Variants in KSR2 observed in about 807,000 individuals in gnomAD.
KSR2 encodes the protein kinase suppressor of ras 2.
In KSR2, 25 loss-of-function variants were observed where a neutral mutation model predicts 107.8. The ratio of observed to expected loss-of-function variants is 0.23; its 90% CI spans 0.17 to 0.32. KSR2 has a LOEUF of 0.32. Ranked by LOEUF, KSR2 falls within the 10% of genes least tolerant of loss-of-function variation. The probability of loss-of-function intolerance (pLI) is 1.00; values close to 1 mark genes in which losing one functional copy is unlikely to be tolerated. For synonymous variants in KSR2, 480 were observed against 507.0 expected (o/e 0.95, Z 0.71); for missense variants, 887 against 1,268.9 (o/e 0.70, Z 4.57).
At chr12:117,472,112 T>C (rs1239258458) in intron 17 of KSR2, among the ~76,000 whole-genome samples, 1 of 152,156 alleles carries the variant, frequency 6.6e-6, no homozygotes, top group Non-Finnish European at 1.5e-5. Flanking sequence ...CCTGGGTACG[T>C]CACTTCACTT....
At chr12:117,515,969 A>G (rs922312118) in intron 14 of KSR2, among the ~76,000 whole-genome samples, 19 of 152,204 alleles carry the variant, frequency 1.2e-4, no homozygotes, top group Admixed American at 6.5e-5. Flanking sequence ...GGAGACAGAG[A>G]TGGGAGAAGC....
At position 117,526,221 on chromosome 12, in the gene KSR2, C is replaced by G. The variant is rs375110865; in HGVS notation, c.1851+850G>C. On this transcript the variant is annotated intron_variant, in intron 13 of 19. Transcript: ENST00000339824. Reference sequence around the variant, plus strand: ...CACACACGACTCAGGCGTACTTCGGCGTAACTACCACTAGAGTTAAATGCT... The same window carrying G: ...CACACACGACTCAGGCGTACTTCGGGGTAACTACCACTAGAGTTAAATGCT... Among the ~76,000 whole-genome samples, 10 of 152,334 alleles carry G rather than the reference C, an allele frequency of 6.6e-5. 1 individual carries two copies. In the South Asian group the frequency reaches 8.3e-4, roughly 13 times the overall value.
At chr12:117,723,645 G>A (rs1325187203) in intron 4 of KSR2, among the ~76,000 whole-genome samples, 2 of 151,762 alleles carry the variant, frequency 1.3e-5, no homozygotes, top group Admixed American at 1.3e-4. Flanking sequence ...GTAAAAATTG[G>A]TGAAATCCAA....
At chr12:117,964,027 CTG>C (rs1896728720) in intron 1 of KSR2, among the ~76,000 whole-genome samples, 1 of 152,212 alleles carries the variant, frequency 6.6e-6, no homozygotes, top group Non-Finnish European at 1.5e-5. Flanking sequence ...TGGCTCACGC[CTG>C]CACTTTGGGA....
chr12:117,621,330 C>A (rs1882185806), intron 5 of KSR2, among the ~76,000 whole-genome samples: 1 of 152,122 alleles, frequency 6.6e-6, no homozygotes, highest in Non-Finnish European at 1.5e-5. Flanking sequence ...AATTATCCAG[C>A]CTCTGGCAGT....
rs111936904 is a variant in KSR2 at position 117,700,047 on chromosome 12, A to AT, written c.987-32390_987-32389insA. On this transcript the variant is annotated intron_variant, in intron 4 of 19. Coordinates refer to ENST00000339824, the MANE Select transcript of KSR2 (RefSeq NM_173598.6). ...ACCACCACTCCTCACTAATTTTGGT[A>AT]CTTTTTTTTTTTTTAGTAGAGACCG... 2.3e-3 allele frequency among the ~76,000 whole-genome samples: 342 copies of AT among 148,182 alleles called. 4 individuals are homozygous for AT. Among genetic ancestry groups the AT allele is most frequent in the Admixed American group, 2.8e-3 (42 of 14,954 alleles).
At position 117,930,571 on chromosome 12, in the gene KSR2, C is replaced by T. The variant is rs532517339; in HGVS notation, c.180+37505G>A. Among the ~76,000 whole-genome samples the T allele has an allele frequency of 3.3e-4, 50 of 152,232 alleles. No individual in the cohort carries two copies. In the South Asian group the frequency reaches 0.01, roughly 31 times the overall value. Reference sequence around the variant, plus strand: ...CACATACATAAAGCTCCACTGAGTGCCCAGCATATAGTAAACACTAAATTC... The same window carrying T: ...CACATACATAAAGCTCCACTGAGTGTCCAGCATATAGTAAACACTAAATTC... On this transcript the variant is annotated intron_variant, in intron 1 of 19. Coordinates refer to ENST00000339824, the MANE Select transcript of KSR2 (RefSeq NM_173598.6).
At chr12:117,500,427 T>C (rs77391078) in intron 14 of KSR2, among the ~76,000 whole-genome samples, 5,657 of 152,292 alleles carry the variant, frequency 0.037, 138 homozygotes, top group Middle Eastern at 0.071. Context: ...ATCATATCCA[T>C]AGATTGTAAT....
intron 9 of KSR2, among the ~76,000 whole-genome samples, chr12:117,548,272 T>G (rs1592980624): frequency 6.6e-6 from 1 of 152,278 alleles, no homozygotes; most frequent in South Asian, 2.1e-4. Flanking sequence ...AATGGTCCAC[T>G]TATATGTGAA....
At chr12:117,770,243 A>C (rs1209836110) in intron 3 of KSR2, among the ~76,000 whole-genome samples, 4 of 152,184 alleles carry the variant, frequency 2.6e-5, no homozygotes. Flanking sequence ...ATCAGGATGC[A>C]TCCTAAGTCC....
chr12:117,769,060 G>T (rs1477209472), intron 3 of KSR2, among the ~76,000 whole-genome samples: 1 of 152,164 alleles, frequency 6.6e-6, no homozygotes, highest in East Asian at 1.9e-4. Flanking sequence ...GGGTCAGACA[G>T]GCTGAGTCTG....
intron 10 of KSR2, 171 bp downstream of exon 10, chr12:117,539,548 T>C: frequency 1.8e-6 from 1 of 563,316 alleles, no homozygotes. Context: ...GGTAATTGCT[T>C]AGGGTACGAT....
intron 1 of KSR2, among the ~76,000 whole-genome samples, chr12:117,952,611 G>T (rs751860895): frequency 6.6e-6 from 1 of 152,104 alleles, no homozygotes; most frequent in African/African-American, 2.4e-5. Flanking sequence ...GGGAGGCGGA[G>T]GCTACAGTGA....
intron 1 of KSR2, among the ~76,000 whole-genome samples, chr12:117,939,434 C>T (rs539380977): frequency 1.3e-5 from 2 of 152,068 alleles, no homozygotes. Flanking sequence ...GTGGCTGGGT[C>T]GGGTGCGGTG....
intron 3 of KSR2, among the ~76,000 whole-genome samples, chr12:117,783,457 A>G (rs773889396): frequency 3.3e-5 from 5 of 152,192 alleles, no homozygotes; most frequent in Non-Finnish European, 5.9e-5. Context: ...CACCCACCTC[A>G]TAGGATTGTT....
intron 10 of KSR2, 146 bp downstream of exon 10, chr12:117,539,573 A>C (rs939651016): frequency 4.3e-6 from 3 of 705,432 alleles, no homozygotes; most frequent in Admixed American, 6.6e-5. Flanking sequence ...GTCAGTCCAC[A>C]TACTTCCTTG....
rs374803310 is a variant in KSR2 at position 117,947,186 on chromosome 12, G to GA, written c.180+20889dup. Among the ~76,000 whole-genome samples the GA allele has an allele frequency of 7.0e-5, 7 of 99,338 alleles. No homozygotes were observed. The East Asian group carries it at 1.8e-3, about 25-fold the overall frequency. The allele number at this position is 99,338 out of a possible 152,430, so 65.2% of individuals were successfully genotyped here. A position where few individuals can be genotyped will look rare whatever the true frequency, so the allele number is the denominator to read the frequency against. ...CTGTCAAAAGAAAGAAAGAAAGAAA[G>GA]AAAAGAAAGAAAAGAAAGAAAAGAA... On this transcript the variant is annotated intron_variant, in intron 1 of 19. Coordinates refer to ENST00000339824, the MANE Select transcript of KSR2 (RefSeq NM_173598.6).
chr12:117,694,938 C>T (rs755687546), intron 4 of KSR2, among the ~76,000 whole-genome samples: 12 of 150,010 alleles, frequency 8.0e-5, no homozygotes, highest in Non-Finnish European at 1.2e-4. Context: ...GCAACCTCCA[C>T]CTCCCAGGTT....
chr12:117,774,892 A>C (rs915599589), intron 3 of KSR2, among the ~76,000 whole-genome samples: 1 of 152,080 alleles, frequency 6.6e-6, no homozygotes, highest in Non-Finnish European at 1.5e-5. Flanking sequence ...TATTCCAGCT[A>C]TTTTATATGA....
Sources: allele counts gnomAD v4.1 joint callset (sites outside exome capture counted in the v4.1 genomes callset), GRCh38; gene constraint gnomAD v4.1.1; transcripts MANE v1.5; gene names NCBI Gene and HGNC (gene_info 2026-07-23, HGNC 2026-07-21).